Variants in GINS2 observed in about 807,000 individuals in gnomAD.
GINS2 encodes DNA replication complex GINS protein PSF2.
In GINS2, 23 loss-of-function variants were observed where a neutral mutation model predicts 21.2. That is an observed-to-expected ratio of 1.08 (90% CI 0.78 to 1.53). GINS2 has a LOEUF of 1.53. Ranked by LOEUF, GINS2 falls within the 40% of genes most tolerant of loss-of-function variation. GINS2 has a pLI of 0.00. For missense variants in GINS2, 323 were observed against 233.9 expected, an observed-to-expected ratio of 1.38 and a Z score of -2.49; for synonymous variants, 118 against 85.6, an observed-to-expected ratio of 1.38 and a Z score of -2.09.
At position 85,677,951 on chromosome 16, in the gene GINS2, TAA is replaced by T. The variant is rs2053695903; in HGVS notation, c.*259_*260del. On this transcript the variant is annotated 3_prime_UTR_variant, in exon 5 of 5. Transcript: ENST00000253462. ...TGCTAGGGAGAATGACTTATTTACC[TAA>T]GGCTTTTTTATTTCTCAAAAGTGGG... 7.4e-6 allele frequency: 3 copies of T among 403,492 alleles called. No individual in the cohort carries two copies. The highest frequency in any genetic ancestry group is 1.3e-5 in the Non-Finnish European group (3 of 222,834). 25.0% of individuals were successfully genotyped at this position (403,492 alleles called of 1,614,324 possible).
intron 3 of GINS2, among the ~76,000 whole-genome samples, chr16:85,679,377 C>T (rs2053713424): frequency 6.6e-6 from 1 of 152,246 alleles, no homozygotes; most frequent in South Asian, 2.1e-4. Context: ...GTATTTTAAA[C>T]TAACCTTTGA....
intron 2 of GINS2, among the ~76,000 whole-genome samples, chr16:85,685,037 T>G (rs531908835): frequency 6.6e-6 from 1 of 151,970 alleles, no homozygotes; most frequent in African/African-American, 2.4e-5. Flanking sequence ...GATCCACCCA[T>G]CTCGGCCTCC....
intron 1 of GINS2, 22 bp downstream of exon 1, chr16:85,688,787 C>G: frequency 6.9e-7 from 1 of 1,459,658 alleles, no homozygotes; most frequent in African/African-American, 1.5e-5. Flanking sequence ...CCTCCCCTCC[C>G]CACGGCGGGC....
rs372596004 is a variant in GINS2, at chr16:85,688,905, G to C, written c.-7C>G. ...CGACCTCGGCAGCGTCCATGGCGGC[G>C]CGAGCTGCAGGCCAGAGCCTCACGG... On this transcript the variant is annotated 5_prime_UTR_variant, in exon 1 of 5. Transcript: ENST00000253462. The C allele has an allele frequency of 6.7e-5, 103 of 1,531,012 alleles. No homozygotes were observed. The African/African-American group carries it at 1.3e-3, about 19-fold the overall frequency. 94.8% of individuals were successfully genotyped at this position (1,531,012 alleles called of 1,614,324 possible).
At chr16:85,680,733 C>A (rs1296441962) in intron 3 of GINS2, among the ~76,000 whole-genome samples, 1 of 152,158 alleles carries the variant, frequency 6.6e-6, no homozygotes, top group African/African-American at 2.4e-5. Flanking sequence ...CAGAGGTGAG[C>A]AGGGGCAGGG....
Position 85,681,151 on chromosome 16 carries a change from C to A in GINS2, c.305+431G>T, listed in dbSNP as rs74034029. 9.2e-3 allele frequency among the ~76,000 whole-genome samples: 1,401 copies of A among 152,222 alleles called. 18 individuals are homozygous for A. The highest frequency in any genetic ancestry group is 0.032 in the African/African-American group (1,318 of 41,520). ...CCTCTGGCCTTTCCTGCGAAAGACA[C>A]AAAAAAACTCAAATCCACCTACTCC... is the stretch of plus-strand genomic sequence containing the variant. On this transcript the variant is annotated intron_variant, in intron 3 of 4. Coordinates refer to ENST00000253462, the MANE Select transcript of GINS2 (RefSeq NM_016095.3).
rs1207577814 is a variant in GINS2 at position 85,676,208 on chromosome 16, AG to A, written c.*2003del. On this transcript the variant is annotated 3_prime_UTR_variant, in exon 5 of 5. Coordinates refer to ENST00000253462, the MANE Select transcript of GINS2 (RefSeq NM_016095.3). ...TAAAATCTTCCTAAATTATGTTAAGAGGAAAATCTTTTTTATGATATAAAAC... is the reference window on the plus strand; with the variant it reads ...TAAAATCTTCCTAAATTATGTTAAGAGAAAATCTTTTTTATGATATAAAAC... The A allele has an allele frequency of 6.5e-6, 1 of 152,682 alleles. No individual in the cohort carries two copies. Among genetic ancestry groups the A allele is most frequent in the African/African-American group, 2.4e-5 (1 of 41,474 alleles). The allele number at this position is 152,682 out of a possible 1,614,324, so 9.5% of individuals were successfully genotyped here. A position where few individuals can be genotyped will look rare whatever the true frequency, so the allele number is the denominator to read the frequency against.
intron 3 of GINS2, among the ~76,000 whole-genome samples, chr16:85,680,019 G>C (rs2053718370): frequency 1.3e-5 from 2 of 152,108 alleles, no homozygotes; most frequent in Admixed American, 6.5e-5. Context: ...CCTCCTACAA[G>C]TCTGCACTCC....
At chr16:85,685,685 A>AAAAACAAAAAAAAAAAAAAAAC (rs1555579589) in intron 2 of GINS2, among the ~76,000 whole-genome samples, 3 of 120,900 alleles carry the variant, frequency 2.5e-5, no homozygotes, top group Non-Finnish European at 5.8e-5. Context: ...AAAAAAAAAA[A>AAAAACAAAAAAAAAAAAAAAAC]AAAAAACCGT....
At chr16:85,678,448 G>C in intron 4 of GINS2, 92 bp downstream of exon 4, 2 of 1,541,232 alleles carry the variant, frequency 1.3e-6, no homozygotes, top group Non-Finnish European at 1.8e-6. Flanking sequence ...AGCACAGCTA[G>C]TAATGCCTGC....
intron 2 of GINS2, among the ~76,000 whole-genome samples, chr16:85,683,465 C>G (rs1028577184): frequency 6.6e-6 from 1 of 152,244 alleles, no homozygotes; most frequent in Non-Finnish European, 1.5e-5. Flanking sequence ...GAAAGCACAA[C>G]AGTTCAAACC....
rs2053680177 is a variant in GINS2 at position 85,676,933 on chromosome 16, T to C, written c.*1279A>G. ...AGGCAGGAGTACAGTGGTGCAATCT[T>C]GGCTCACTACAACCTCCGCCTCTCG... On this transcript the variant is annotated 3_prime_UTR_variant, in exon 5 of 5. Coordinates refer to ENST00000253462, the MANE Select transcript of GINS2 (RefSeq NM_016095.3). 6.6e-6 allele frequency: 1 copy of C among 152,250 alleles called. No individual in the cohort carries two copies. The highest frequency in any genetic ancestry group is 1.5e-5 in the Non-Finnish European group (1 of 68,080). 9.4% of individuals were successfully genotyped at this position (152,250 alleles called of 1,614,324 possible).
chr16:85,683,546 C>T (rs1449376542), intron 2 of GINS2, among the ~76,000 whole-genome samples: 1 of 152,210 alleles, frequency 6.6e-6, no homozygotes, highest in Non-Finnish European at 1.5e-5. Context: ...ACAGCAACTC[C>T]CTCTCCTGGG....
Position 85,677,975 on chromosome 16 carries a change from T to TG in GINS2, c.*236dup, listed in dbSNP as rs2053696307. 6.6e-6 allele frequency: 3 copies of TG among 451,210 alleles called. No individual in the cohort carries two copies. The highest frequency in any genetic ancestry group is 3.9e-5 in the Admixed American group (1 of 25,768). 28.0% of individuals were successfully genotyped at this position (451,210 alleles called of 1,614,324 possible). A position where few individuals can be genotyped will look rare whatever the true frequency, so the allele number is the denominator to read the frequency against. The stretch of plus-strand genomic sequence containing the variant: ...CTAAGGCTTTTTTATTTCTCAAAAG[T>TG]GGGGGGAAAAAGGGCTGGTTTCTAG... On this transcript the variant is annotated 3_prime_UTR_variant, in exon 5 of 5. Transcript: ENST00000253462.
In GINS2 at chr16:85,678,601, C is replaced by T. The variant is rs765174264; in HGVS notation, c.371G>A (p.Arg124His). The change falls in exon 4 of 5, where the codon CGT becomes CAT. Residue 124 changes from arginine to histidine, a missense_variant. Arg to His is a conservative substitution (Grantham distance 29). Coordinates refer to ENST00000253462, the MANE Select transcript of GINS2 (RefSeq NM_016095.3). ...RTLVKDMWDT[R>H]IAKLRVSADS... ...AGCAGACACTCGGAGTTTGGCTATA[C>T]GAGTGTCCCACATATCCTTGACCAG... 28 of 1,613,818 alleles carry T rather than the reference C, an allele frequency of 1.7e-5. No individual in the cohort carries two copies. Among genetic ancestry groups the T allele is most frequent in the Middle Eastern group, 1.6e-4 (1 of 6,078 alleles).
At chr16:85,686,927 T>C (rs2053782293) in intron 2 of GINS2, among the ~76,000 whole-genome samples, 1 of 152,252 alleles carries the variant, frequency 6.6e-6, no homozygotes, top group Admixed American at 6.5e-5. Flanking sequence ...AATTGAAATA[T>C]CTTACATTAA....
Position 85,687,481 on chromosome 16 carries a change from G to A in GINS2, c.184C>T (p.Pro62Ser). The change falls in exon 2 of 5, where the codon CCT (proline) becomes TCT (serine). Residue 62 changes from proline (P) to serine (S), a missense_variant. Pro to Ser is a moderately conservative substitution (Grantham distance 74, BLOSUM62 -1). Transcript: ENST00000253462. ...TTACCTACATCCATCCACTCTGGAG[G>A]GAGCAGGCGACATTTCTGTCTTTGT... ...LKQRQKCRLL[P>S]PEWMDVEKLE... 2.5e-6 allele frequency: 4 copies of A among 1,579,690 alleles called. No homozygotes were observed. The highest frequency in any genetic ancestry group is 1.9e-5 in the Admixed American group (1 of 53,052).
intron 2 of GINS2, 36 bp downstream of exon 2, chr16:85,687,424 C>G: frequency 1.5e-6 from 2 of 1,302,182 alleles, no homozygotes; most frequent in Non-Finnish European, 2.1e-6. Flanking sequence ...AGCCCAGCCC[C>G]ACCCACGCAT....
At chr16:85,688,251 T>C (rs2053795337) in intron 1 of GINS2, among the ~76,000 whole-genome samples, 1 of 151,834 alleles carries the variant, frequency 6.6e-6, no homozygotes, top group South Asian at 2.1e-4. Context: ...CAGCCGCATC[T>C]CTACCAAATA....
Sources: gnomAD v4.1 joint callset for allele counts (sites outside exome capture counted in the v4.1 genomes callset) on GRCh38, gnomAD v4.1.1 for gene constraint, MANE v1.5 for transcripts, NCBI Gene and HGNC (gene_info 2026-07-23, HGNC 2026-07-21) for gene names.